C10orf90: variants seen among roughly 807,000 people sequenced by gnomAD.
The protein encoded by C10orf90 is chromosome 10 open reading frame 90.
In C10orf90, 56 loss-of-function variants were observed where a neutral mutation model predicts 62.5. That is an observed-to-expected ratio of 0.90 (90% confidence interval 0.72 to 1.12). The LOEUF (loss-of-function observed/expected upper bound fraction) is 1.12. C10orf90 is among the 50% of genes most tolerant of loss of function. C10orf90 has a pLI of 0.00. For synonymous variants in C10orf90, 386 were observed against 340.4 expected (o/e 1.13, Z -1.47); for missense variants, 970 against 880.4 (o/e 1.10, Z -1.29).
chr10:126,447,849 GT>G (rs1201429307), intron 7 of C10orf90, among the ~76,000 whole-genome samples: 2 of 47,708 alleles, frequency 4.2e-5, no homozygotes, highest in Non-Finnish European at 6.9e-5. Context: ...TGTTGTTGTT[GT>G]TGCTGCTTTT....
intron 2 of C10orf90, among the ~76,000 whole-genome samples, chr10:126,523,963 C>T (rs1227719826): frequency 1.3e-5 from 2 of 152,140 alleles, no homozygotes; most frequent in African/African-American, 4.8e-5. Flanking sequence ...TATCCATATC[C>T]ATACATCCAT....
At chr10:126,485,198 G>C (rs1201665882) in intron 4 of C10orf90, among the ~76,000 whole-genome samples, 1 of 152,118 alleles carries the variant, frequency 6.6e-6, no homozygotes, top group Admixed American at 6.5e-5. Context: ...ACAATGTGAG[G>C]ACACGACAAA....
chr10:126,602,461 C>T (rs1189929169), intron 2 of C10orf90, among the ~76,000 whole-genome samples: 1 of 152,150 alleles, frequency 6.6e-6, no homozygotes, highest in Non-Finnish European at 1.5e-5. Flanking sequence ...TGTGAAGGGA[C>T]TTGGTATCAA....
intron 1 of C10orf90, among the ~76,000 whole-genome samples, chr10:126,666,706 C>T (rs976527627): frequency 1.3e-5 from 2 of 152,008 alleles, no homozygotes; most frequent in Admixed American, 6.6e-5. Flanking sequence ...AGGCCAGGCA[C>T]GGTGGCTCAC....
intron 2 of C10orf90, among the ~76,000 whole-genome samples, chr10:126,526,823 G>A (rs1318571171): frequency 6.6e-6 from 1 of 152,104 alleles, no homozygotes; most frequent in Admixed American, 6.5e-5. Flanking sequence ...TATAATATGT[G>A]GGCTTTTGTT....
chr10:126,498,941 A>C (rs1314770373), intron 4 of C10orf90, among the ~76,000 whole-genome samples: 3 of 152,094 alleles, frequency 2.0e-5, no homozygotes, highest in Non-Finnish European at 4.4e-5. Context: ...TGCCCTACCC[A>C]TTCATCTCCA....
intron 2 of C10orf90, among the ~76,000 whole-genome samples, chr10:126,581,585 G>A (rs367796992): frequency 6.6e-6 from 1 of 152,092 alleles, no homozygotes; most frequent in Non-Finnish European, 1.5e-5. Context: ...CTTTCTGCAG[G>A]TTGGTCATCT....
intron 2 of C10orf90, among the ~76,000 whole-genome samples, chr10:126,540,367 A>C (rs2133966081): frequency 6.6e-6 from 1 of 152,310 alleles, no homozygotes; most frequent in Admixed American, 6.5e-5. Context: ...AATCCATAAG[A>C]ATAACCAAAG....
At chr10:126,613,779 G>A (rs956787506) in intron 2 of C10orf90, among the ~76,000 whole-genome samples, 2 of 152,188 alleles carry the variant, frequency 1.3e-5, no homozygotes, top group African/African-American at 2.4e-5. Flanking sequence ...ACTGAAGGGC[G>A]AGGGAAACCC....
At chr10:126,470,612 T>C (rs1446793476) in intron 4 of C10orf90, among the ~76,000 whole-genome samples, 3 of 131,684 alleles carry the variant, frequency 2.3e-5, no homozygotes, top group Admixed American at 1.5e-4. Flanking sequence ...TAGCCAAGCA[T>C]GGTGGTATGT....
chr10:126,514,517 C>T (rs1863324070), intron 2 of C10orf90, among the ~76,000 whole-genome samples: 1 of 152,158 alleles, frequency 6.6e-6, no homozygotes, highest in Non-Finnish European at 1.5e-5. Flanking sequence ...ATTGTCAGAT[C>T]CAACTGGACG....
At chr10:126,513,769 A>G in intron 3 of C10orf90, 79 bp downstream of exon 3, 1 of 872,960 alleles carries the variant, frequency 1.1e-6, no homozygotes, top group South Asian at 1.5e-5. Flanking sequence ...ATGCAATCAC[A>G]TCACAAGTAG....
chr10:126,464,240 C>A lies in C10orf90; in HGVS notation c.1825+456G>T, dbSNP rs182857194. On this transcript the variant is annotated intron_variant, in intron 5 of 9. Transcript: ENST00000488181. ...CTGAGTTTGGGACCTACTTTTTGGG[C>A]ACGTGAGTTCCAGTGTCTCATGCTT... Among the ~76,000 whole-genome samples, 4 of 152,220 alleles carry A rather than the reference C, an allele frequency of 2.6e-5. No individual in the cohort carries two copies. The East Asian group carries it at 7.7e-4, about 29-fold the overall frequency.
chr10:126,437,725 C>T (rs997742577), intron 7 of C10orf90, among the ~76,000 whole-genome samples: 1 of 152,102 alleles, frequency 6.6e-6, no homozygotes, highest in Non-Finnish European at 1.5e-5. Flanking sequence ...TTTAACTGGG[C>T]ATCCTATATT....
At chr10:126,593,559 G>A (rs970772264) in intron 2 of C10orf90, among the ~76,000 whole-genome samples, 6 of 152,106 alleles carry the variant, frequency 3.9e-5, no homozygotes, top group Non-Finnish European at 7.4e-5. Flanking sequence ...GAGGCATGGG[G>A]GAGGGAGAAC....
chr10:126,539,337 C>T (rs765678194), intron 2 of C10orf90, among the ~76,000 whole-genome samples: 8 of 152,188 alleles, frequency 5.3e-5, no homozygotes, highest in Non-Finnish European at 1.0e-4. Context: ...ATACTGCAAA[C>T]AAGGTCACTG....
intron 7 of C10orf90, among the ~76,000 whole-genome samples, chr10:126,435,827 T>A (rs1186414705): frequency 6.6e-6 from 1 of 152,152 alleles, no homozygotes; most frequent in Non-Finnish European, 1.5e-5. Flanking sequence ...TACAGCTGTC[T>A]GCCTGGCCAA....
At position 126,426,085 on chromosome 10, in the gene C10orf90, T is replaced by A; in HGVS notation, c.2258A>T (p.Tyr753Phe). The A allele has an allele frequency of 6.2e-7, 1 of 1,612,982 alleles. No individual in the cohort carries two copies. Among genetic ancestry groups the A allele is most frequent in the Non-Finnish European group, 8.5e-7 (1 of 1,178,948 alleles). ...CTTTTTAACTTCCGGCAAGTTATCATAGATTCTGAAACAGATTCGGAAAAC... is the reference window on the plus strand; with the variant it reads ...CTTTTTAACTTCCGGCAAGTTATCAAAGATTCTGAAACAGATTCGGAAAAC... ...KEMHMRSKRIYDNLPEVKKKK... is the reference protein window; with the variant it reads ...KEMHMRSKRIFDNLPEVKKKK... The change falls in exon 9 of 10, where the codon TAT becomes TTT. Residue 753 changes from tyrosine (Y) to phenylalanine (F), a missense_variant. Tyr to Phe is a conservative substitution (Grantham distance 22). Transcript: ENST00000488181.
At chr10:126,637,406 G>T (rs1317928053) in intron 2 of C10orf90, among the ~76,000 whole-genome samples, 1 of 152,174 alleles carries the variant, frequency 6.6e-6, no homozygotes, top group African/African-American at 2.4e-5. Flanking sequence ...CCCCACCAGG[G>T]GGTTATTGAG....
Sources: allele counts gnomAD v4.1 joint callset (sites outside exome capture counted in the v4.1 genomes callset), GRCh38; gene constraint gnomAD v4.1.1; transcripts MANE v1.5; gene names NCBI Gene and HGNC (gene_info 2026-07-23, HGNC 2026-07-21).